SLC9A9: variants seen among roughly 807,000 people sequenced by gnomAD.
The protein encoded by SLC9A9 is solute carrier family 9 member A9.
In SLC9A9, 62 loss-of-function variants were observed where a neutral mutation model predicts 77.8. That is an observed-to-expected ratio of 0.80 (90% CI 0.65 to 0.98). SLC9A9 has a LOEUF of 0.98. Among genes scored for constraint, SLC9A9 ranks in the 50% least tolerant of loss-of-function variants. The probability of loss-of-function intolerance (pLI) is 0.00; values close to 1 mark genes in which losing one functional copy is unlikely to be tolerated. For missense variants in SLC9A9, 775 were observed against 774.9 expected, an observed-to-expected ratio of 1.00 and a Z score of 0.00; for synonymous variants, 320 against 283.5, an observed-to-expected ratio of 1.13 and a Z score of -1.29.
intron 12 of SLC9A9, among the ~76,000 whole-genome samples, chr3:143,435,088 C>A (rs2034596360): frequency 6.6e-6 from 1 of 152,092 alleles, no homozygotes; most frequent in African/African-American, 2.4e-5. Flanking sequence ...CATCCCTTGA[C>A]CTTATCAAGA....
intron 12 of SLC9A9, among the ~76,000 whole-genome samples, chr3:143,414,052 T>C (rs1415817196): frequency 3.9e-5 from 6 of 152,198 alleles, no homozygotes; most frequent in Admixed American, 6.5e-5. Flanking sequence ...AAATAGTCAG[T>C]GTTTGGTGGA....
intron 8 of SLC9A9, among the ~76,000 whole-genome samples, chr3:143,569,691 C>A (rs189531553): frequency 6.4e-4 from 97 of 152,204 alleles, no homozygotes; most frequent in Non-Finnish European, 2.8e-4. Context: ...AATGCCTATG[C>A]CAACCCCTTT....
intron 5 of SLC9A9, among the ~76,000 whole-genome samples, chr3:143,673,805 A>C (rs1012389924): frequency 1.4e-4 from 22 of 152,230 alleles, no homozygotes; most frequent in African/African-American, 4.8e-4. Flanking sequence ...ATTTAAGTGT[A>C]TAGTAGCTAT....
chr3:143,781,841 A>G (rs1261136097), intron 4 of SLC9A9, among the ~76,000 whole-genome samples: 1 of 152,202 alleles, frequency 6.6e-6, no homozygotes, highest in African/African-American at 2.4e-5. Flanking sequence ...GCTACCTCTC[A>G]TGGAGTAGGA....
At chr3:143,706,069 TGAG>T (rs1378254365) in intron 4 of SLC9A9, among the ~76,000 whole-genome samples, 2 of 152,200 alleles carry the variant, frequency 1.3e-5, no homozygotes, top group South Asian at 2.1e-4. Context: ...TACAGCCAGG[TGAG>T]GAGAATTCCA....
intron 6 of SLC9A9, among the ~76,000 whole-genome samples, chr3:143,629,562 C>CGT (rs1013571613): frequency 8.0e-5 from 12 of 149,918 alleles, no homozygotes; most frequent in African/African-American, 3.0e-4. Flanking sequence ...AGTATATGTG[C>CGT]GTGTGTGTGC....
chr3:143,797,202 T>TATATAAAATATATATAAAAATATATATGC (rs2008410001), intron 2 of SLC9A9, among the ~76,000 whole-genome samples: 6 of 150,794 alleles, frequency 4.0e-5, no homozygotes, highest in Non-Finnish European at 8.9e-5. Flanking sequence ...AATATATATG[T>TATATAAAATATATATAAAAATATATATGC]ATATAGGCTT....
At chr3:143,726,150 C>T (rs1258092025) in intron 4 of SLC9A9, among the ~76,000 whole-genome samples, 3 of 150,072 alleles carry the variant, frequency 2.0e-5, no homozygotes, top group East Asian at 2.0e-4. Context: ...ATAGGTTGGT[C>T]TGTGCAGTAA....
intron 5 of SLC9A9, among the ~76,000 whole-genome samples, chr3:143,667,982 G>T (rs1462765701): frequency 2.0e-5 from 3 of 151,992 alleles, no homozygotes; most frequent in Admixed American, 6.6e-5. Context: ...CCCATTACTG[G>T]GTATATACCC....
At chr3:143,489,772 G>T (rs113460235) in intron 11 of SLC9A9, among the ~76,000 whole-genome samples, 2 of 152,122 alleles carry the variant, frequency 1.3e-5, no homozygotes, top group African/African-American at 4.8e-5. Context: ...ATTTGCAAAT[G>T]ATATGTCTGA....
At chr3:143,816,352 T>C (rs2009017938) in intron 2 of SLC9A9, among the ~76,000 whole-genome samples, 1 of 152,178 alleles carries the variant, frequency 6.6e-6, no homozygotes, top group Non-Finnish European at 1.5e-5. Flanking sequence ...CCCAGGTGCA[T>C]ACCACCACAA....
intron 5 of SLC9A9, among the ~76,000 whole-genome samples, chr3:143,656,654 G>A (rs1032208017): frequency 6.6e-6 from 1 of 152,142 alleles, no homozygotes; most frequent in Non-Finnish European, 1.5e-5. Flanking sequence ...TGCCTAGGTC[G>A]AAGGACAACA....
chr3:143,368,591 G>T (rs1163637919), intron 13 of SLC9A9, among the ~76,000 whole-genome samples: 3 of 152,090 alleles, frequency 2.0e-5, no homozygotes, highest in African/African-American at 7.2e-5. Context: ...AATGTCAGTG[G>T]AAGTTGCATC....
chr3:143,551,439 A>G (rs1204683958), intron 9 of SLC9A9, among the ~76,000 whole-genome samples: 2 of 152,232 alleles, frequency 1.3e-5, no homozygotes, highest in African/African-American at 4.8e-5. Flanking sequence ...TTCACAAGCC[A>G]TGCTGAACTA....
chr3:143,706,682 G>A (rs1200022697), intron 4 of SLC9A9, among the ~76,000 whole-genome samples: 1 of 152,128 alleles, frequency 6.6e-6, no homozygotes, highest in Non-Finnish European at 1.5e-5. Flanking sequence ...CTCTGTAAGG[G>A]GTGGAGGGAG....
chr3:143,420,013 G>A (rs1463062128), intron 12 of SLC9A9, among the ~76,000 whole-genome samples: 1 of 152,138 alleles, frequency 6.6e-6, no homozygotes, highest in African/African-American at 2.4e-5. Flanking sequence ...TAGCAATTTT[G>A]TCTCTTTGTC....
chr3:143,842,387 G>GCAAA (rs1030894995), intron 1 of SLC9A9, among the ~76,000 whole-genome samples: 3 of 151,984 alleles, frequency 2.0e-5, no homozygotes, highest in Admixed American at 6.5e-5. Context: ...TCTCAAAAAA[G>GCAAA]CAAACAAACA....
chr3:143,422,943 C>T (rs559891583), intron 12 of SLC9A9, among the ~76,000 whole-genome samples: 3 of 152,238 alleles, frequency 2.0e-5, no homozygotes, highest in Admixed American at 1.3e-4. Flanking sequence ...TGTTTAAGGT[C>T]ATAGACATAT....
At chr3:143,626,125 G>C in intron 6 of SLC9A9, among the ~76,000 whole-genome samples, 1 of 152,222 alleles carries the variant, frequency 6.6e-6, no homozygotes, top group East Asian at 1.9e-4. Context: ...AACAGGTGCT[G>C]GAGAGGATGT....
Sources: gnomAD v4.1 joint callset for allele counts (sites outside exome capture counted in the v4.1 genomes callset) on GRCh38, gnomAD v4.1.1 for gene constraint, MANE v1.5 for transcripts, NCBI Gene and HGNC (gene_info 2026-07-23, HGNC 2026-07-21) for gene names.